LDB2: variants seen among roughly 807,000 people sequenced by gnomAD.
LDB2 encodes the protein LIM domain-binding protein 2.
Under a neutral mutation model 44.3 loss-of-function variants are expected in LDB2, and 12 were observed. That is an observed-to-expected ratio of 0.27 (90% CI 0.17 to 0.44). The LOEUF (loss-of-function observed/expected upper bound fraction) is 0.44, where lower values mean the gene tolerates loss of function less well. Ranked by LOEUF, LDB2 falls within the 20% of genes least tolerant of loss-of-function variation. The probability of loss-of-function intolerance (pLI) is 1.00; values close to 1 mark genes in which losing one functional copy is unlikely to be tolerated. For synonymous variants in LDB2, 164 were observed against 174.8 expected, an observed-to-expected ratio of 0.94 and a Z score of 0.49; for missense variants, 344 against 473.5, an observed-to-expected ratio of 0.73 and a Z score of 2.54.
chr4:16,614,164 G>T (rs1436107310), intron 2 of LDB2, among the ~76,000 whole-genome samples: 1 of 152,112 alleles, frequency 6.6e-6, no homozygotes, highest in Non-Finnish European at 1.5e-5. Flanking sequence ...ACAAGCAATG[G>T]GGAAAGGATA....
chr4:16,624,913 G>C (rs887141524), intron 2 of LDB2, among the ~76,000 whole-genome samples: 7 of 152,170 alleles, frequency 4.6e-5, no homozygotes, highest in Non-Finnish European at 1.0e-4. Flanking sequence ...GTTTAGGATG[G>C]TTAAAATACT....
intron 3 of LDB2, among the ~76,000 whole-genome samples, chr4:16,592,091 C>G (rs747234830): frequency 6.6e-6 from 1 of 152,140 alleles, no homozygotes; most frequent in Admixed American, 6.5e-5. Flanking sequence ...TACAGATGGT[C>G]TCCGGAGGAT....
chr4:16,800,014 G>A (rs139519832), intron 1 of LDB2, among the ~76,000 whole-genome samples: 4 of 152,020 alleles, frequency 2.6e-5, no homozygotes, highest in Admixed American at 2.0e-4. Context: ...ATTATATACC[G>A]AGGCCCAGTA....
At chr4:16,865,444 G>A (rs1333872283) in intron 1 of LDB2, among the ~76,000 whole-genome samples, 1 of 152,076 alleles carries the variant, frequency 6.6e-6, no homozygotes, top group African/African-American at 2.4e-5. Context: ...AGGGGCTCGG[G>A]CTGCGCTGGC....
intron 5 of LDB2, among the ~76,000 whole-genome samples, chr4:16,584,925 A>G (rs1314455492): frequency 6.6e-6 from 1 of 152,246 alleles, no homozygotes; most frequent in East Asian, 1.9e-4. Context: ...AGTCTAGGAT[A>G]GACTTCAAAG....
intron 2 of LDB2, among the ~76,000 whole-genome samples, chr4:16,641,389 C>A (rs1312091691): frequency 6.6e-6 from 1 of 152,110 alleles, no homozygotes; most frequent in Middle Eastern, 3.2e-3. Context: ...CTGTGTTAGT[C>A]TGTTTTGCTT....
At chr4:16,833,159 T>C (rs1410460667) in intron 1 of LDB2, among the ~76,000 whole-genome samples, 4 of 152,202 alleles carry the variant, frequency 2.6e-5, no homozygotes, top group Non-Finnish European at 5.9e-5. Flanking sequence ...CAATTATAAC[T>C]AGAAAAGCTA....
intron 1 of LDB2, among the ~76,000 whole-genome samples, chr4:16,774,821 G>T (rs528427576): frequency 2.0e-5 from 3 of 152,112 alleles, no homozygotes; most frequent in Non-Finnish European, 2.9e-5. Context: ...GTAATAAAAG[G>T]TTACATACAT....
chr4:16,793,110 A>T (rs1196759330), intron 1 of LDB2, among the ~76,000 whole-genome samples: 1 of 152,218 alleles, frequency 6.6e-6, no homozygotes, highest in Non-Finnish European at 1.5e-5. Flanking sequence ...TTGATTTTCC[A>T]AATCAGGAAA....
chr4:16,615,726 A>C (rs1727113196), intron 2 of LDB2, among the ~76,000 whole-genome samples: 1 of 152,100 alleles, frequency 6.6e-6, no homozygotes, highest in South Asian at 2.1e-4. Context: ...ATTTTTTTGG[A>C]AGAAATTAAA....
intron 5 of LDB2, among the ~76,000 whole-genome samples, chr4:16,557,021 T>G (rs1169701531): frequency 6.6e-6 from 1 of 152,228 alleles, no homozygotes; most frequent in African/African-American, 2.4e-5. Flanking sequence ...ATATTAAAAC[T>G]GTGGCCATAC....
chr4:16,791,191 T>C (rs577991354), intron 1 of LDB2, among the ~76,000 whole-genome samples: 4 of 152,314 alleles, frequency 2.6e-5, no homozygotes, highest in East Asian at 1.9e-4. Context: ...TTAGTTTTCA[T>C]ATTTGTTGTG....
At chr4:16,809,251 A>G (rs777673690) in intron 1 of LDB2, among the ~76,000 whole-genome samples, 4 of 152,218 alleles carry the variant, frequency 2.6e-5, no homozygotes, top group Admixed American at 1.3e-4. Flanking sequence ...TGTTTGTTAC[A>G]GCAGCTATCA....
chr4:16,736,616 G>A (rs1761961883), intron 2 of LDB2, among the ~76,000 whole-genome samples: 1 of 152,168 alleles, frequency 6.6e-6, no homozygotes, highest in South Asian at 2.1e-4. Context: ...GTGGTTGTGT[G>A]GGCAAGTCGC....
At chr4:16,658,700 A>C (rs1740619526) in intron 2 of LDB2, among the ~76,000 whole-genome samples, 1 of 152,208 alleles carries the variant, frequency 6.6e-6, no homozygotes, top group African/African-American at 2.4e-5. Flanking sequence ...TTGTGACCTC[A>C]GTGTTAAAAA....
chr4:16,845,969 C>T (rs368967183), intron 1 of LDB2, among the ~76,000 whole-genome samples: 10 of 151,848 alleles, frequency 6.6e-5, no homozygotes, highest in African/African-American at 1.9e-4. Flanking sequence ...ATTAGCCAGG[C>T]GTGGCAGCAT....
At chr4:16,752,011 C>A (rs1263491257) in intron 2 of LDB2, among the ~76,000 whole-genome samples, 1 of 152,134 alleles carries the variant, frequency 6.6e-6, no homozygotes, top group Non-Finnish European at 1.5e-5. Context: ...GTGCTAGAGC[C>A]ATCTGGAAAC....
chr4:16,689,005 A>T (rs1466908475), intron 2 of LDB2, among the ~76,000 whole-genome samples: 1 of 152,254 alleles, frequency 6.6e-6, no homozygotes, highest in Non-Finnish European at 1.5e-5. Flanking sequence ...TAAACAGATG[A>T]CAGAGGAGCT....
intron 2 of LDB2, among the ~76,000 whole-genome samples, chr4:16,747,795 A>G (rs1156494263): frequency 6.6e-6 from 1 of 152,140 alleles, no homozygotes; most frequent in Non-Finnish European, 1.5e-5. Context: ...TAACATGGAG[A>G]CACCATGTGT....
Sources: gnomAD v4.1 joint callset for allele counts (sites outside exome capture counted in the v4.1 genomes callset) on GRCh38, gnomAD v4.1.1 for gene constraint, MANE v1.5 for transcripts, NCBI Gene and HGNC (gene_info 2026-07-23, HGNC 2026-07-21) for gene names.